Variants in LRP1B observed in about 807,000 individuals in gnomAD.
LRP1B encodes the protein LDL receptor related protein 1B, also known as low-density lipoprotein receptor-related protein 1B.
LRP1B carries 217 observed loss-of-function variants against 556.6 expected under a neutral mutation model. The ratio of observed to expected loss-of-function variants is 0.39; its 90% CI spans 0.35 to 0.44. The LOEUF (loss-of-function observed/expected upper bound fraction) is 0.44. Ranked by LOEUF, LRP1B falls within the 20% of genes least tolerant of loss-of-function variation. The pLI, the probability that LRP1B is intolerant of heterozygous loss-of-function variation, is 1.00. For synonymous variants in LRP1B, 2,047 were observed against 1,865.8 expected (o/e 1.10, Z -2.50); for missense variants, 5,053 against 5,620.8 (o/e 0.90, Z 3.23).
intron 60 of LRP1B, among the ~76,000 whole-genome samples, chr2:140,458,688 G>T (rs1042340641): frequency 1.2e-4 from 18 of 151,716 alleles, no homozygotes; most frequent in Non-Finnish European, 2.1e-4. Context: ...TTAATGTTTG[G>T]CATATTCCTC....
At chr2:141,776,692 A>T (rs919524498) in intron 2 of LRP1B, among the ~76,000 whole-genome samples, 3 of 152,186 alleles carry the variant, frequency 2.0e-5, no homozygotes, top group African/African-American at 7.2e-5. Context: ...CTTACTAGCT[A>T]TGTGATTTAA....
chr2:141,401,932 T>G (rs1261081050), intron 3 of LRP1B, among the ~76,000 whole-genome samples: 1 of 152,216 alleles, frequency 6.6e-6, no homozygotes, highest in Non-Finnish European at 1.5e-5. Flanking sequence ...TTAAGCAGTT[T>G]TTCAAATTTT....
chr2:140,811,957 C>A (rs1690942590), intron 32 of LRP1B, among the ~76,000 whole-genome samples: 1 of 151,840 alleles, frequency 6.6e-6, no homozygotes, highest in Admixed American at 6.6e-5. Flanking sequence ...GACTTAAATA[C>A]AAGATGATTT....
intron 18 of LRP1B, among the ~76,000 whole-genome samples, chr2:140,963,573 A>T (rs12474609): frequency 0.18 from 27,596 of 152,096 alleles, 2,604 homozygotes; most frequent in South Asian, 0.25. Context: ...CAGTTAAAAT[A>T]ATCACTGGCC....
intron 1 of LRP1B, among the ~76,000 whole-genome samples, chr2:141,832,451 C>G (rs138713782): frequency 9.8e-4 from 149 of 151,694 alleles, no homozygotes; most frequent in African/African-American, 3.3e-3. Context: ...ACAATATCAT[C>G]TTTCACAAAC....
rs1290602411 is a variant in LRP1B, at chr2:142,088,987, A to T, written c.82+41661T>A. Reference sequence around the variant, plus strand: ...AAGGCTCCGTCTCAAAAAAAAAAAAAAAAAAAAAAGAAAAAGAAAAAGTTA... The same window carrying T: ...AAGGCTCCGTCTCAAAAAAAAAAAATAAAAAAAAAGAAAAAGAAAAAGTTA... On this transcript the variant is annotated intron_variant, in intron 1 of 90. Coordinates refer to ENST00000389484, the MANE Select transcript of LRP1B (RefSeq NM_018557.3). Among the ~76,000 whole-genome samples the T allele has an allele frequency of 2.3e-4, 9 of 39,030 alleles. No individual in the cohort carries two copies. In the Admixed American group the frequency reaches 2.3e-3, roughly 10 times the overall value. The allele number at this position is 39,030 out of a possible 152,430, so 25.6% of individuals were successfully genotyped here. A position where few individuals can be genotyped will look rare whatever the true frequency, so the allele number is the denominator to read the frequency against.
chr2:141,241,767 G>A (rs1445982946), intron 5 of LRP1B, among the ~76,000 whole-genome samples: 3 of 151,762 alleles, frequency 2.0e-5, no homozygotes, highest in Non-Finnish European at 2.9e-5. Context: ...GCACGCATAC[G>A]TGATAGTAAA....
rs776567264 is a variant in LRP1B at position 141,049,048 on chromosome 2, G to A, written c.1727C>T (p.Thr576Ile). 1 of 1,613,542 alleles carries A rather than the reference G, an allele frequency of 6.2e-7. No homozygotes were observed. The highest frequency in any genetic ancestry group is 8.5e-7 in the Non-Finnish European group (1 of 1,179,674). ...CTTCTGCCGGCCAATTAGGAAACTG[G>A]TGGTGTCAGCAAAGTAGATGTAATT... ...ETNYIYFADT[T>I]SFLIGRQKID... Residue 576 changes from threonine (T) to isoleucine (I), a missense_variant, in exon 11 of 91, where the codon ACC (threonine) becomes ATC (isoleucine). Thr to Ile is a moderately conservative substitution (Grantham distance 89, BLOSUM62 -1). This residue lies in a region of LRP1B where 3,619 missense variants were observed against 3,931.9 expected (regional missense o/e 0.92). Coordinates refer to ENST00000389484, the MANE Select transcript of LRP1B (RefSeq NM_018557.3).
At chr2:141,016,187 G>A (rs1437940331) in intron 12 of LRP1B, among the ~76,000 whole-genome samples, 1 of 152,044 alleles carries the variant, frequency 6.6e-6, no homozygotes, top group Non-Finnish European at 1.5e-5. Flanking sequence ...GAACCTGACA[G>A]TAAGTGCCAA....
chr2:141,189,329 AGCCCAGGG>A lies in LRP1B; in HGVS notation c.851-754_851-747del, dbSNP rs141680139. Among the ~76,000 whole-genome samples the A allele has an allele frequency of 3.9e-3, 588 of 152,098 alleles. 5 individuals carry two copies. The highest frequency in any genetic ancestry group is 0.013 in the African/African-American group (536 of 41,544). ...ATTTCAGCTATACCTTCCACACCTG[AGCCCAGGG>A]GCAGCTGTTTAAAGACATTTCAGTT... On this transcript the variant is annotated intron_variant, in intron 6 of 90. Transcript: ENST00000389484.
intron 2 of LRP1B, among the ~76,000 whole-genome samples, chr2:141,575,643 C>T (rs1686710291): frequency 6.6e-6 from 1 of 151,948 alleles, no homozygotes; most frequent in African/African-American, 2.4e-5. Context: ...GCAAAAGAAA[C>T]TATCATCAGA....
intron 3 of LRP1B, among the ~76,000 whole-genome samples, chr2:141,314,909 T>TATAC (rs1337617377): frequency 4.8e-5 from 7 of 144,516 alleles, no homozygotes; most frequent in African/African-American, 1.8e-4. Flanking sequence ...TATATATATA[T>TATAC]ACACATATAT....
intron 66 of LRP1B, among the ~76,000 whole-genome samples, chr2:140,439,953 G>A (rs1277268618): frequency 6.6e-6 from 1 of 151,938 alleles, no homozygotes; most frequent in African/African-American, 2.4e-5. Context: ...AAGTTACTCT[G>A]CTTCATTTTT....
intron 1 of LRP1B, among the ~76,000 whole-genome samples, chr2:142,095,845 G>T (rs1323217569): frequency 6.6e-6 from 1 of 151,618 alleles, no homozygotes; most frequent in Non-Finnish European, 1.5e-5. Flanking sequence ...AATTGCTGAG[G>T]ATAGCATTTT....
intron 5 of LRP1B, among the ~76,000 whole-genome samples, chr2:141,238,341 T>C (rs964963264): frequency 2.0e-5 from 3 of 152,178 alleles, no homozygotes; most frequent in African/African-American, 7.2e-5. Flanking sequence ...ATGTAATGGG[T>C]ATTGACTCAT....
At chr2:141,372,279 A>G (rs1689254841) in intron 3 of LRP1B, among the ~76,000 whole-genome samples, 1 of 152,092 alleles carries the variant, frequency 6.6e-6, no homozygotes, top group African/African-American at 2.4e-5. Context: ...ATTGGATTCA[A>G]GTTACTAGCA....
intron 3 of LRP1B, among the ~76,000 whole-genome samples, chr2:141,344,029 G>T (rs1688160140): frequency 6.6e-6 from 1 of 152,032 alleles, no homozygotes; most frequent in Admixed American, 6.6e-5. Context: ...AGGCGATCAA[G>T]TGCCCACCTC....
rs577532316 is a variant in LRP1B at position 141,639,304 on chromosome 2, GTATATATATATATATATATA to G, written c.206-158791_206-158772del. On this transcript the variant is annotated intron_variant, in intron 2 of 90. Coordinates refer to ENST00000389484, the MANE Select transcript of LRP1B (RefSeq NM_018557.3). Reference sequence around the variant, plus strand: ...GGACCCAGGAGTACGCATCATGTGTGTATATATATATATATATATATATATATATATATATATATATATAT... The same window carrying G: ...GGACCCAGGAGTACGCATCATGTGTGTATATATATATATATATATATATAT... Among the ~76,000 whole-genome samples, 43 of 58,464 alleles carry G rather than the reference GTATATATATATATATATATA, an allele frequency of 7.4e-4. 1 individual carries two copies. The highest frequency in any genetic ancestry group is 2.4e-3 in the Admixed American group (10 of 4,148). 38.4% of individuals were successfully genotyped at this position (58,464 alleles called of 152,430 possible).
chr2:141,933,562 A>C (rs183664341), intron 1 of LRP1B, among the ~76,000 whole-genome samples: 17 of 152,262 alleles, frequency 1.1e-4, no homozygotes, highest in African/African-American at 1.4e-4. Flanking sequence ...GTATGAACAA[A>C]AAATAAATCT....
Sources: gnomAD v4.1 joint callset for allele counts (sites outside exome capture counted in the v4.1 genomes callset) on GRCh38, gnomAD v4.1.1 for gene constraint, gnomAD v4.1.1 regional missense constraint, MANE v1.5 for transcripts, NCBI Gene and HGNC (gene_info 2026-07-23, HGNC 2026-07-21) for gene names.